The following CALN1 variants were observed in gnomAD, a reference collection of about 807,000 sequenced individuals.
CALN1 encodes the protein calcium-binding protein 8.
In CALN1, 17 loss-of-function variants were observed where a neutral mutation model predicts 30.6. The observed-to-expected ratio is 0.56, with a 90% confidence interval of 0.38 to 0.83. The LOEUF (loss-of-function observed/expected upper bound fraction) is 0.83. Among genes scored for constraint, CALN1 ranks in the 40% least tolerant of loss-of-function variants. The probability of loss-of-function intolerance (pLI) is 0.00; values close to 1 mark genes in which losing one functional copy is unlikely to be tolerated. For synonymous variants in CALN1, 156 were observed against 131.4 expected (o/e 1.19, Z -1.28); for missense variants, 291 against 354.9 (o/e 0.82, Z 1.45).
rs546872722 is a variant in CALN1, at chr7:72,342,927, C to T, written c.119+60324G>A. On this transcript the variant is annotated intron_variant, in intron 2 of 6. Transcript: ENST00000395275. ...CATGTCTTCCATCAAAGTATGGAAT[C>T]CAGGATTCACTAAATTCTTTACAAC... 3.3e-5 allele frequency among the ~76,000 whole-genome samples: 5 copies of T among 152,144 alleles called. 1 individual carries two copies. The South Asian group carries it at 8.3e-4, about 25-fold the overall frequency.
At chr7:72,354,906 CT>C (rs200557517) in intron 2 of CALN1, among the ~76,000 whole-genome samples, 105 of 140,234 alleles carry the variant, frequency 7.5e-4, no homozygotes, top group Middle Eastern at 3.6e-3. Context: ...TTTTTCTTTT[CT>C]TTTTTTTTTT....
intron 5 of CALN1, among the ~76,000 whole-genome samples, chr7:71,891,115 T>A (rs1253007513): frequency 6.6e-6 from 1 of 152,186 alleles, no homozygotes; most frequent in Non-Finnish European, 1.5e-5. Context: ...AATCTAATTG[T>A]AAACACAATT....
chr7:71,970,999 T>G (rs1797767332), intron 5 of CALN1, among the ~76,000 whole-genome samples: 1 of 152,132 alleles, frequency 6.6e-6, no homozygotes, highest in African/African-American at 2.4e-5. Flanking sequence ...GAAGGCATCT[T>G]AGGTGTGATT....
At position 72,436,714 on chromosome 7, in the gene CALN1, C is replaced by T. The variant is rs547746651; in HGVS notation, c.-226+10328G>A. The stretch of plus-strand genomic sequence containing the variant: ...CCTGCCTGCTCTGGGCACACCCCCT[C>T]TTAAATAATGTTCTCCAAGCGTGGG... On this transcript the variant is annotated intron_variant, in intron 1 of 6. Coordinates refer to the CALN1 transcript ENST00000395276. Among the ~76,000 whole-genome samples the T allele has an allele frequency of 4.4e-4, 67 of 152,206 alleles. 1 individual carries two copies. In the South Asian group the frequency reaches 0.013, roughly 31 times the overall value.
At chr7:72,400,265 G>A (rs1189432288) in intron 2 of CALN1, among the ~76,000 whole-genome samples, 1 of 152,246 alleles carries the variant, frequency 6.6e-6, no homozygotes, top group South Asian at 2.1e-4. Flanking sequence ...GGGCACTACT[G>A]ATTTGATCTG....
intron 2 of CALN1, chr7:72,337,000 G>A (rs1802105559): frequency 2.0e-6 from 2 of 985,434 alleles, no homozygotes; most frequent in Admixed American, 1.2e-4. Flanking sequence ...CTTGTCCTCT[G>A]CTCTCGTCTG....
rs958275433 is a variant in CALN1 at position 72,243,528 on chromosome 7, G to A, written c.244+35158C>T. ...CCTTAGCTGCATCCGGGGATGCAGT[G>A]TTGGGGACTAAGAGAAACAGCCCCA... On this transcript the variant is annotated intron_variant, in intron 3 of 6. Coordinates refer to ENST00000395275, the MANE Select transcript of CALN1 (RefSeq NM_031468.4). Among the ~76,000 whole-genome samples, 11 of 152,228 alleles carry A rather than the reference G, an allele frequency of 7.2e-5. No individual in the cohort carries two copies. The East Asian group carries it at 2.1e-3, about 29-fold the overall frequency.
chr7:72,472,102 G>C, the CALN1 span, among the ~76,000 whole-genome samples: 5 of 152,070 alleles, frequency 3.3e-5, no homozygotes, highest in Non-Finnish European at 5.9e-5. Flanking sequence ...AGCCAAGGAG[G>C]TCCTGTGAAG....
chr7:72,187,452 G>A (rs1790286521), intron 3 of CALN1, among the ~76,000 whole-genome samples: 1 of 152,182 alleles, frequency 6.6e-6, no homozygotes, highest in Admixed American at 6.5e-5. Flanking sequence ...TACCTCCTGA[G>A]CTCTGCCTCC....
At chr7:72,124,987 G>C (rs753948699) in intron 3 of CALN1, among the ~76,000 whole-genome samples, 1 of 151,854 alleles carries the variant, frequency 6.6e-6, no homozygotes, top group Non-Finnish European at 1.5e-5. Context: ...TAATTTTCTA[G>C]TTCAAGTGAA....
At chr7:71,802,648 T>C (rs1787374534) in intron 6 of CALN1, among the ~76,000 whole-genome samples, 1 of 152,204 alleles carries the variant, frequency 6.6e-6, no homozygotes, top group African/African-American at 2.4e-5. Flanking sequence ...TTTTTCTTTT[T>C]GTAAGGAAGA....
chr7:72,458,103 T>G, the CALN1 span, among the ~76,000 whole-genome samples: 1 of 144,140 alleles, frequency 6.9e-6, no homozygotes, highest in Admixed American at 7.5e-5. Flanking sequence ...CACAACAAAT[T>G]CTGGTTAAAA....
intron 4 of CALN1, among the ~76,000 whole-genome samples, chr7:72,084,976 G>C (rs1182871867): frequency 6.6e-6 from 1 of 152,164 alleles, no homozygotes; most frequent in Non-Finnish European, 1.5e-5. Context: ...CCTTTGTCCA[G>C]CATATCCAAG....
chr7:72,464,811 G>A, the CALN1 span, among the ~76,000 whole-genome samples: 1 of 152,224 alleles, frequency 6.6e-6, no homozygotes, highest in East Asian at 1.9e-4. Context: ...CCTGGGGACA[G>A]ATGCCATCCA....
chr7:71,934,014 G>A (rs1367238976), intron 5 of CALN1, among the ~76,000 whole-genome samples: 1 of 152,158 alleles, frequency 6.6e-6, no homozygotes, highest in Non-Finnish European at 1.5e-5. Flanking sequence ...ATATGGGAAT[G>A]TAGGTTCACT....
chr7:71,790,367 GAAAAGAAAGAAA>G (rs1562779978), intron 6 of CALN1, among the ~76,000 whole-genome samples: 1 of 98,258 alleles, frequency 1.0e-5, no homozygotes, highest in Non-Finnish European at 1.9e-5. Context: ...AAGAAAGAAA[GAAAAGAAAGAAA>G]GAAAGAAAGA....
intron 4 of CALN1, among the ~76,000 whole-genome samples, chr7:72,081,051 C>T (rs188480631): frequency 9.3e-4 from 141 of 152,228 alleles, no homozygotes; most frequent in African/African-American, 3.1e-3. Context: ...AATGCACCCA[C>T]GCTCACTTTT....
At chr7:71,857,012 ATGTATGTG>A (rs879742771) in intron 5 of CALN1, among the ~76,000 whole-genome samples, 6 of 123,052 alleles carry the variant, frequency 4.9e-5, no homozygotes, top group African/African-American at 2.2e-4. Context: ...TGGTGTGTAT[ATGTATGTG>A]TGTGTGTGTG....
chr7:72,076,018 T>G (rs1804703073), intron 4 of CALN1, among the ~76,000 whole-genome samples: 1 of 152,088 alleles, frequency 6.6e-6, no homozygotes, highest in African/African-American at 2.4e-5. Context: ...GGCCAATTCA[T>G]TTATTCCATA....
Sources: allele counts gnomAD v4.1 joint callset (sites outside exome capture counted in the v4.1 genomes callset), GRCh38; gene constraint gnomAD v4.1.1; transcripts MANE v1.5; gene names NCBI Gene and HGNC (gene_info 2026-07-23, HGNC 2026-07-21).